AGBL4: variants seen among roughly 807,000 people sequenced by gnomAD.
The protein encoded by AGBL4 is AGBL carboxypeptidase 4.
AGBL4 carries 58 observed loss-of-function variants against 66.4 expected under a neutral mutation model. The ratio of observed to expected loss-of-function variants is 0.87; its 90% CI spans 0.71 to 1.09. The LOEUF (loss-of-function observed/expected upper bound fraction) is 1.09. Among genes scored for constraint, AGBL4 ranks in the 50% least tolerant of loss-of-function variants. The pLI is 0.00. For synonymous variants in AGBL4, 234 were observed against 222.9 expected (o/e 1.05, Z -0.44); for missense variants, 579 against 631.0 (o/e 0.92, Z 0.88).
At position 48,736,113 on chromosome 1, in the gene AGBL4, G is replaced by T; in HGVS notation, c.635-72872C>A. On this transcript the variant is annotated intron_variant, in intron 6 of 13. Transcript: ENST00000371839. This position sits in a 1 kb window ranked among gnomAD's most constrained non-coding sequence, Gnocchi z 4.0. ...TTTGGGTTATCCGCTTGGTGTCCCCGGGCTCAGCCCAGGGTCTGGCATGCA... is the reference window on the plus strand; with the variant it reads ...TTTGGGTTATCCGCTTGGTGTCCCCTGGCTCAGCCCAGGGTCTGGCATGCA... 9.2e-7 allele frequency: 1 copy of T among 1,086,370 alleles called. No individual in the cohort carries two copies. The highest frequency in any genetic ancestry group is 1.4e-6 in the Non-Finnish European group (1 of 734,084). 67.3% of individuals were successfully genotyped at this position (1,086,370 alleles called of 1,614,324 possible).
At chr1:49,601,205 A>T (rs1644952143) in intron 3 of AGBL4, among the ~76,000 whole-genome samples, 1 of 152,084 alleles carries the variant, frequency 6.6e-6, no homozygotes, top group Admixed American at 6.6e-5. Flanking sequence ...TCTCATGGAT[A>T]ATATCTTTAA....
intron 5 of AGBL4, among the ~76,000 whole-genome samples, chr1:48,893,488 T>C (rs1265014022): frequency 6.6e-6 from 1 of 151,712 alleles, no homozygotes; most frequent in African/African-American, 2.4e-5. Flanking sequence ...GAGACCATCA[T>C]GGCTAACACA....
intron 2 of AGBL4, among the ~76,000 whole-genome samples, chr1:49,813,886 G>T (rs1291258895): frequency 2.0e-5 from 3 of 152,074 alleles, no homozygotes; most frequent in African/African-American, 7.2e-5. Flanking sequence ...ACATGTTATG[G>T]GAGGCACCCA....
intron 2 of AGBL4, among the ~76,000 whole-genome samples, chr1:49,701,264 C>A (rs1328818705): frequency 6.6e-6 from 1 of 151,236 alleles, no homozygotes; most frequent in Non-Finnish European, 1.5e-5. Context: ...TGCACTCCAG[C>A]CTGGGTAACA....
chr1:48,612,853 GCCAGGCACGATGGCT>G (rs1176549139), intron 9 of AGBL4, among the ~76,000 whole-genome samples: 1 of 152,086 alleles, frequency 6.6e-6, no homozygotes, highest in Non-Finnish European at 1.5e-5. Context: ...CAAAATGAGG[GCCAGGCACGATGGCT>G]CACGCCTGTA....
At chr1:49,054,628 G>T (rs1211311957) in intron 4 of AGBL4, among the ~76,000 whole-genome samples, 3 of 151,828 alleles carry the variant, frequency 2.0e-5, no homozygotes, top group Non-Finnish European at 4.4e-5. Context: ...CAAAATAGAA[G>T]CCATAGTTGT....
intron 4 of AGBL4, among the ~76,000 whole-genome samples, chr1:49,193,333 AT>A (rs1450780151): frequency 1.3e-5 from 2 of 151,884 alleles, no homozygotes; most frequent in Non-Finnish European, 2.9e-5. Flanking sequence ...GATTTAGACA[AT>A]GCTATAAACT....
At position 49,388,805 on chromosome 1, in the gene AGBL4, G is replaced by A. The variant is rs939163876; in HGVS notation, c.283-142941C>T. On this transcript the variant is annotated intron_variant, in intron 3 of 13. Coordinates refer to ENST00000371839, the MANE Select transcript of AGBL4 (RefSeq NM_032785.4). ...CCTACTAGTGAGTGCCTCATCACCA[G>A]ATGCATTCGCACAGAAGTTTAATGC... Among the ~76,000 whole-genome samples, 3 of 152,216 alleles carry A rather than the reference G, an allele frequency of 2.0e-5. No individual in the cohort carries two copies. The South Asian group carries it at 6.2e-4, about 32-fold the overall frequency.
chr1:50,022,614 C>CCACA (rs10588611), intron 1 of AGBL4, among the ~76,000 whole-genome samples: 86 of 141,302 alleles, frequency 6.1e-4, no homozygotes, highest in African/African-American at 1.1e-3. Context: ...TGTACCATAA[C>CCACA]CACACACACA....
chr1:49,671,825 CA>C (rs878934393), intron 3 of AGBL4, among the ~76,000 whole-genome samples: 1 of 152,030 alleles, frequency 6.6e-6, no homozygotes, highest in Middle Eastern at 3.4e-3. Context: ...AATTAAAAGT[CA>C]AAAAAATAAC....
chr1:49,202,360 T>C (rs376862767), intron 4 of AGBL4, among the ~76,000 whole-genome samples: 1 of 152,258 alleles, frequency 6.6e-6, no homozygotes, highest in South Asian at 2.1e-4. Flanking sequence ...GACCTCACAC[T>C]TCCTGAGTGA....
At chr1:48,567,665 T>A (rs950483383) in intron 11 of AGBL4, among the ~76,000 whole-genome samples, 1 of 152,140 alleles carries the variant, frequency 6.6e-6, no homozygotes, top group Admixed American at 6.5e-5. Context: ...TCTCCACCAC[T>A]GTCTGAGAGA....
chr1:49,781,973 T>C (rs2147907280), intron 2 of AGBL4, among the ~76,000 whole-genome samples: 1 of 152,072 alleles, frequency 6.6e-6, no homozygotes, highest in East Asian at 1.9e-4. Context: ...AAAGCAGTGC[T>C]TAGAGAGAAA....
At chr1:49,566,156 T>C (rs574895288) in intron 3 of AGBL4, among the ~76,000 whole-genome samples, 18 of 152,290 alleles carry the variant, frequency 1.2e-4, no homozygotes, top group Non-Finnish European at 2.1e-4. Flanking sequence ...CTCCATCAGG[T>C]CCTTTAAGGA....
chr1:49,949,848 C>G (rs1255400064), intron 1 of AGBL4, among the ~76,000 whole-genome samples: 3 of 151,268 alleles, frequency 2.0e-5, no homozygotes, highest in Non-Finnish European at 4.4e-5. Context: ...AATCCCACTA[C>G]TGGGTATCTA....
chr1:48,708,990 C>A (rs1050614165), intron 6 of AGBL4, among the ~76,000 whole-genome samples: 1 of 152,222 alleles, frequency 6.6e-6, no homozygotes, highest in Non-Finnish European at 1.5e-5. Context: ...GACAAAGACA[C>A]AGGCCTGGCT....
At chr1:49,369,583 G>A (rs1304474117) in intron 3 of AGBL4, among the ~76,000 whole-genome samples, 2 of 152,094 alleles carry the variant, frequency 1.3e-5, no homozygotes, top group Non-Finnish European at 2.9e-5. Context: ...AGTGGATTTG[G>A]GGGATCCTTC....
intron 4 of AGBL4, among the ~76,000 whole-genome samples, chr1:49,152,972 A>C (rs1339194459): frequency 6.6e-6 from 1 of 152,150 alleles, no homozygotes; most frequent in Admixed American, 6.5e-5. Flanking sequence ...CACAATCAGA[A>C]TGGAGAGGTC....
At chr1:49,225,506 A>G (rs1186594070) in intron 4 of AGBL4, among the ~76,000 whole-genome samples, 1 of 152,212 alleles carries the variant, frequency 6.6e-6, no homozygotes, top group African/African-American at 2.4e-5. Flanking sequence ...GATTAATCAC[A>G]GAGTTCCACC....
Sources: gnomAD v4.1 joint callset for allele counts (sites outside exome capture counted in the v4.1 genomes callset) on GRCh38, gnomAD v4.1.1 for gene constraint, Gnocchi (gnomAD v3.1) non-coding constraint, MANE v1.5 for transcripts, NCBI Gene and HGNC (gene_info 2026-07-23, HGNC 2026-07-21) for gene names.